The following NUP155 variants were observed in gnomAD, a reference collection of about 807,000 sequenced individuals.
NUP155 encodes nucleoporin 155.
In NUP155, 71 loss-of-function variants were observed where a neutral mutation model predicts 180.4. That is an observed-to-expected ratio of 0.39 (90% CI 0.33 to 0.48). NUP155 has a LOEUF of 0.48. Among genes scored for constraint, NUP155 ranks in the 20% least tolerant of loss-of-function variants. NUP155 has a pLI of 0.91. For synonymous variants in NUP155, 582 were observed against 559.5 expected (o/e 1.04, Z -0.57); for missense variants, 1,553 against 1,648.9 (o/e 0.94, Z 1.01).
intron 24 of NUP155, among the ~76,000 whole-genome samples, chr5:37,308,883 A>C (rs1743344752): frequency 1.2e-5 from 1 of 82,606 alleles, no homozygotes; most frequent in Admixed American, 1.5e-4. Context: ...CTCAAAAAAA[A>C]AAAAAAAAAA....
In NUP155 at chr5:37,364,316, G is replaced by A; in HGVS notation, c.226C>T (p.Pro76Ser). ...ATGGAACTGATCTCTGGAAGGTTGG[G>A]TACGGACAGCAAACCAGGTCCTTGC... ...PLQGPGLLSV[P>S]NLPEISSIRR... The change falls in exon 2 of 35, where the codon CCC becomes TCC. Residue 76 changes from proline to serine, a missense_variant. Coordinates refer to ENST00000231498, the MANE Select transcript of NUP155 (RefSeq NM_153485.3). 1.2e-6 allele frequency: 2 copies of A among 1,610,630 alleles called. No individual in the cohort carries two copies. Among genetic ancestry groups the A allele is most frequent in the Non-Finnish European group, 1.7e-6 (2 of 1,176,842 alleles).
chr5:37,345,737 T>C (rs1430638564), intron 9 of NUP155, among the ~76,000 whole-genome samples: 1 of 151,620 alleles, frequency 6.6e-6, no homozygotes, highest in Non-Finnish European at 1.5e-5. Context: ...ACCCTGTCTC[T>C]ACTGAAAATA....
intron 5 of NUP155, 127 bp from the exon 6 acceptor site, chr5:37,351,483 T>C (rs1581200091): frequency 3.0e-6 from 2 of 662,802 alleles, no homozygotes; most frequent in East Asian, 6.0e-5. Flanking sequence ...AGTCTTACTC[T>C]GTCACCCAGG....
intron 20 of NUP155, 143 bp from the exon 21 acceptor site, chr5:37,318,228 C>T (rs559943054): frequency 1.5e-6 from 1 of 658,332 alleles, no homozygotes; most frequent in South Asian, 1.6e-5. Context: ...GGGCTGATGG[C>T]CAGAAAAAAT....
chr5:37,338,078 T>C lies in NUP155; in HGVS notation c.1247-160A>G, dbSNP rs865876267. ...GCTCATGCCTGTAATCCCAGCACTT[T>C]TGGAGGATGAGGTGGGTGGATCACG... is the stretch of plus-strand genomic sequence containing the variant. On this transcript the variant is annotated intron_variant, in intron 11 of 34. Transcript: ENST00000231498. 3.2e-4 allele frequency among the ~76,000 whole-genome samples: 48 copies of C among 151,962 alleles called. No individual in the cohort carries two copies. The highest frequency in any genetic ancestry group is 3.2e-3 in the Middle Eastern group (1 of 316).
chr5:37,330,090 T>A lies in NUP155; in HGVS notation c.1672A>T (p.Thr558Ser). 1 of 1,613,700 alleles carries A rather than the reference T, an allele frequency of 6.2e-7. No homozygotes were observed. Among genetic ancestry groups the A allele is most frequent in the Non-Finnish European group, 8.5e-7 (1 of 1,179,812 alleles). Residue 558 changes from threonine to serine, a missense_variant, in exon 15 of 35, where the codon ACT becomes TCT. Transcript: ENST00000231498. ...CATCLILACS[T>S]AACDREVSAW... Reference sequence around the variant, plus strand: ...GATACTTCTCTATCACAGGCAGCAGTGGAGCAAGCAAGAATAAGGCAAGTT... The same window carrying A: ...GATACTTCTCTATCACAGGCAGCAGAGGAGCAAGCAAGAATAAGGCAAGTT...
intron 27 of NUP155, 110 bp downstream of exon 27, chr5:37,304,629 T>C (rs111284970): frequency 7.7e-6 from 6 of 784,090 alleles, no homozygotes; most frequent in East Asian, 2.4e-5. Flanking sequence ...TAACATCTAA[T>C]AGCAGGCATG....
intron 24 of NUP155, among the ~76,000 whole-genome samples, chr5:37,307,921 CACA>C (rs1561772536): frequency 1.1e-5 from 1 of 91,094 alleles, no homozygotes; most frequent in Non-Finnish European, 2.3e-5. Flanking sequence ...GACTCTGTCT[CACA>C]AAAAAAAAAA....
chr5:37,311,991 A>G (rs970406744), intron 22 of NUP155, among the ~76,000 whole-genome samples: 1 of 152,254 alleles, frequency 6.6e-6, no homozygotes, highest in Non-Finnish European at 1.5e-5. Context: ...ACAGCACTCC[A>G]GCCTGGGTGA....
intron 3 of NUP155, among the ~76,000 whole-genome samples, chr5:37,362,029 C>T (rs1477403688): frequency 6.6e-6 from 1 of 152,168 alleles, no homozygotes; most frequent in African/African-American, 2.4e-5. Context: ...AGTGGGCTTT[C>T]ACCAGACCTT....
At chr5:37,321,391 A>G (rs1222423713) in intron 20 of NUP155, among the ~76,000 whole-genome samples, 3 of 151,902 alleles carry the variant, frequency 2.0e-5, no homozygotes, top group Non-Finnish European at 2.9e-5. Context: ...ACTAATTCCA[A>G]TAAAATGGGA....
Position 37,341,074 on chromosome 5 carries a change from G to A in NUP155, c.1246+16C>T, listed in dbSNP as rs540760315. 1.3e-6 allele frequency: 2 copies of A among 1,572,926 alleles called. No homozygotes were observed. Among genetic ancestry groups the A allele is most frequent in the East Asian group, 4.5e-5 (2 of 44,622 alleles). On this transcript the variant is annotated intron_variant, in intron 11 of 34. Coordinates refer to ENST00000231498, the MANE Select transcript of NUP155 (RefSeq NM_153485.3). ...TAAGAATATAATCTTAAATCTGATA[G>A]TATTTCAGAACTTACCTTTACTATA...
At chr5:37,333,778 T>A (rs1308071012) in intron 12 of NUP155, 145 bp from the exon 13 acceptor site, 2 of 692,804 alleles carry the variant, frequency 2.9e-6, no homozygotes, top group East Asian at 2.7e-5. Flanking sequence ...TTTTCTACTA[T>A]CTTTTTTTTA....
intron 19 of NUP155, among the ~76,000 whole-genome samples, chr5:37,324,488 T>C (rs1744452534): frequency 6.6e-6 from 1 of 152,210 alleles, no homozygotes; most frequent in East Asian, 1.9e-4. Flanking sequence ...TTTACAAGTT[T>C]TTAGACTTCC....
At chr5:37,356,605 A>C (rs186886301) in intron 4 of NUP155, among the ~76,000 whole-genome samples, 341 of 152,276 alleles carry the variant, frequency 2.2e-3, no homozygotes, top group Admixed American at 4.3e-3. Context: ...GCTAAACTGC[A>C]CTCTAGCCTG....
chr5:37,298,089 A>T (rs2150939080), intron 32 of NUP155, among the ~76,000 whole-genome samples: 1 of 152,230 alleles, frequency 6.6e-6, no homozygotes, highest in South Asian at 2.1e-4. Flanking sequence ...AATACAGAAA[A>T]TTAGCCAGGC....
intron 11 of NUP155, among the ~76,000 whole-genome samples, chr5:37,340,189 C>T (rs1329854788): frequency 6.6e-6 from 1 of 152,050 alleles, no homozygotes; most frequent in Non-Finnish European, 1.5e-5. Flanking sequence ...GCCTGTAATC[C>T]CAGCACTTTA....
chr5:37,360,137 AACAG>A (rs1330376710), intron 3 of NUP155, among the ~76,000 whole-genome samples: 1 of 150,882 alleles, frequency 6.6e-6, no homozygotes, highest in Admixed American at 6.6e-5. Flanking sequence ...GGAGAAATAA[AACAG>A]ACAAAAAAAA....
chr5:37,310,602 G>A lies in NUP155; in HGVS notation c.2578C>T (p.Gln860Ter). ...CTATATAGAAGTGGGCAGATATCCT[G>A]TAAATGTAAACTAATGCCATCAACA... Reference protein sequence around the residue: ...AAVDGISLHLQDICPLLYSTD... With the variant: ...AAVDGISLHL The change falls in exon 23 of 35, where the codon CAG becomes TAG. Residue 860 changes from glutamine to a stop codon, truncating the protein, a stop_gained. Coordinates refer to ENST00000231498, the MANE Select transcript of NUP155 (RefSeq NM_153485.3). LOFTEE classifies it high-confidence loss of function. 1 of 1,613,656 alleles carries A rather than the reference G, an allele frequency of 6.2e-7. No individual in the cohort carries two copies. Among genetic ancestry groups the A allele is most frequent in the Non-Finnish European group, 8.5e-7 (1 of 1,179,748 alleles).
Sources: allele counts gnomAD v4.1 joint callset (sites outside exome capture counted in the v4.1 genomes callset), GRCh38; gene constraint gnomAD v4.1.1; transcripts MANE v1.5; gene names NCBI Gene and HGNC (gene_info 2026-07-23, HGNC 2026-07-21).